Variants in STXBP4 observed in about 807,000 individuals in gnomAD.
STXBP4 encodes the protein syntaxin-binding protein 4.
In STXBP4, 55 loss-of-function variants were observed where a neutral mutation model predicts 76.1. That is an observed-to-expected ratio of 0.72 (90% confidence interval 0.58 to 0.91). The LOEUF (loss-of-function observed/expected upper bound fraction) is 0.91, where lower values mean the gene tolerates loss of function less well. STXBP4 is among the 40% of genes least tolerant of loss of function. The pLI, the probability that STXBP4 is intolerant of heterozygous loss-of-function variation, is 0.00. For missense variants in STXBP4, 618 were observed against 636.9 expected, an observed-to-expected ratio of 0.97 and a Z score of 0.32; for synonymous variants, 201 against 220.2, an observed-to-expected ratio of 0.91 and a Z score of 0.77.
chr17:55,191,565 G>A, the STXBP4 span, among the ~76,000 whole-genome samples: 1 of 152,100 alleles, frequency 6.6e-6, no homozygotes, highest in Non-Finnish European at 1.5e-5. Flanking sequence ...GACGTCTTCT[G>A]TTATAGTTCA....
At chr17:55,087,973 G>A (rs2079360516) in intron 16 of STXBP4, among the ~76,000 whole-genome samples, 1 of 152,076 alleles carries the variant, frequency 6.6e-6, no homozygotes, top group Non-Finnish European at 1.5e-5. Flanking sequence ...TCCTTATAGA[G>A]GTATTACCTC....
the STXBP4 span, among the ~76,000 whole-genome samples, chr17:55,185,790 C>T: frequency 1.3e-5 from 2 of 152,150 alleles, no homozygotes; most frequent in Admixed American, 6.5e-5. Context: ...TGGAGGCTTC[C>T]TCACAGAATT....
the STXBP4 span, among the ~76,000 whole-genome samples, chr17:55,199,052 A>G: frequency 6.6e-6 from 1 of 152,040 alleles, no homozygotes; most frequent in African/African-American, 2.4e-5. Context: ...TCTTTCAAGA[A>G]AAAAAAGACT....
At chr17:54,989,263 G>A (rs549131989) in intron 3 of STXBP4, among the ~76,000 whole-genome samples, 9 of 152,150 alleles carry the variant, frequency 5.9e-5, no homozygotes, top group East Asian at 3.9e-4. Context: ...GTCCACCACC[G>A]CGCCTGGCTA....
At chr17:55,207,812 A>G in the STXBP4 span, among the ~76,000 whole-genome samples, 1 of 152,202 alleles carries the variant, frequency 6.6e-6, no homozygotes, top group Non-Finnish European at 1.5e-5. Context: ...GTGTGCAAAC[A>G]CATGTAGTTT....
chr17:55,120,350 A>T (rs1256933789), intron 16 of STXBP4, among the ~76,000 whole-genome samples: 1 of 152,228 alleles, frequency 6.6e-6, no homozygotes, highest in Non-Finnish European at 1.5e-5. Flanking sequence ...CAAATGTTGG[A>T]TAACCAAATA....
chr17:55,191,584 T>C, the STXBP4 span, among the ~76,000 whole-genome samples: 129,066 of 152,104 alleles, frequency 0.85, 55,286 homozygotes, highest in African/African-American at 0.94. Context: ...CATCTGTCTC[T>C]GTTCTCATCC....
At chr17:55,177,601 G>A (rs1423218845), downstream of STXBP4, among the ~76,000 whole-genome samples, 1 of 152,232 alleles carries the variant, frequency 6.6e-6, no homozygotes, top group African/African-American at 2.4e-5. Flanking sequence ...TTGAAAGGAG[G>A]TTGTTCATTC....
Position 55,163,602 on chromosome 17 carries a change from A to G in STXBP4, c.*3691A>G, listed in dbSNP as rs142609914. The G allele has an allele frequency of 6.6e-6, 1 of 152,202 alleles. No individual in the cohort carries two copies. Among genetic ancestry groups the G allele is most frequent in the South Asian group, 2.1e-4 (1 of 4,820 alleles). 9.4% of individuals were successfully genotyped at this position (152,202 alleles called of 1,614,324 possible). On this transcript the variant is annotated 3_prime_UTR_variant, in exon 18 of 18. Coordinates refer to ENST00000376352, the MANE Select transcript of STXBP4 (RefSeq NM_178509.6). ...CAAACACTTCCTGAGCACCTGCTAC[A>G]TGCCAGGCAAAATGTGAAATTTGCA...
chr17:55,120,189 A>T lies in STXBP4; in HGVS notation c.1490-21121A>T, dbSNP rs554838177. ...AGAAAGAGTGATTTTTAATACTGCT[A>T]CCTTTTAAATGTCAGTCTTTATTGT... On this transcript the variant is annotated intron_variant, in intron 16 of 17. Transcript: ENST00000376352. 2.0e-5 allele frequency among the ~76,000 whole-genome samples: 3 copies of T among 152,282 alleles called. No homozygotes were observed. In the East Asian group the frequency reaches 5.8e-4, roughly 29 times the overall value.
chr17:55,119,746 T>G (rs1050095547), intron 16 of STXBP4, among the ~76,000 whole-genome samples: 1 of 151,368 alleles, frequency 6.6e-6, no homozygotes, highest in East Asian at 1.9e-4. Context: ...CAGATAAACT[T>G]TAACTCAGTT....
Position 54,999,376 on chromosome 17 carries a change from T to G in STXBP4, c.212T>G (p.Val71Gly). 6.2e-7 allele frequency: 1 copy of G among 1,612,536 alleles called. No individual in the cohort carries two copies. The highest frequency in any genetic ancestry group is 1.1e-5 in the South Asian group (1 of 90,608). ...CGTTTGAAGCCAGGAGATCAACTTGTCTCAGTCAACAAGGAATCTATGATT... is the reference window on the plus strand; with the variant it reads ...CGTTTGAAGCCAGGAGATCAACTTGGCTCAGTCAACAAGGAATCTATGATT... ...DGRLKPGDQL[V>G]SVNKESMIGV... Residue 71 changes from valine (V) to glycine (G), a missense_variant, in exon 5 of 18, where the codon GTC becomes GGC. By Grantham distance (109) the Val-to-Gly change is moderately radical (BLOSUM62 -3). Transcript: ENST00000376352.
At chr17:55,063,266 AT>A (rs1488483095) in intron 12 of STXBP4, among the ~76,000 whole-genome samples, 1 of 152,208 alleles carries the variant, frequency 6.6e-6, no homozygotes, top group Non-Finnish European at 1.5e-5. Context: ...TGTCTTTTTA[AT>A]TGTAGAAAAG....
intron 2 of STXBP4, 44 bp from the exon 3 acceptor site, chr17:54,986,098 A>G (rs773962523): frequency 2.4e-4 from 190 of 800,414 alleles, no homozygotes; most frequent in Non-Finnish European, 3.7e-4. Flanking sequence ...CAAATTTGAC[A>G]GTTCTAAGAC....
intron 16 of STXBP4, among the ~76,000 whole-genome samples, chr17:55,086,166 A>C (rs1393542268): frequency 3.9e-5 from 6 of 152,220 alleles, no homozygotes; most frequent in African/African-American, 1.4e-4. Context: ...AAAAAATTTC[A>C]TCAGCACTTT....
intron 8 of STXBP4, among the ~76,000 whole-genome samples, chr17:55,016,593 A>G (rs1485321916): frequency 6.6e-6 from 1 of 152,194 alleles, no homozygotes; most frequent in African/African-American, 2.4e-5. Flanking sequence ...CTCTGCTTCC[A>G]CAAGATCCTC....
chr17:55,203,190 C>T, the STXBP4 span, among the ~76,000 whole-genome samples: 2 of 152,134 alleles, frequency 1.3e-5, no homozygotes, highest in African/African-American at 4.8e-5. Context: ...ATAGCTAACT[C>T]CTAATCCTAT....
the STXBP4 span, among the ~76,000 whole-genome samples, chr17:55,187,930 G>A: frequency 1.3e-5 from 2 of 152,326 alleles, no homozygotes; most frequent in South Asian, 4.1e-4. Context: ...TTGGTAATAA[G>A]TGTACCAGAT....
At chr17:55,199,420 A>G in the STXBP4 span, among the ~76,000 whole-genome samples, 1 of 152,236 alleles carries the variant, frequency 6.6e-6, no homozygotes, top group East Asian at 1.9e-4. Flanking sequence ...ATTTTGGTTC[A>G]TTATATGCAT....
Sources: allele counts gnomAD v4.1 joint callset (sites outside exome capture counted in the v4.1 genomes callset), GRCh38; gene constraint gnomAD v4.1.1; transcripts MANE v1.5; gene names NCBI Gene and HGNC (gene_info 2026-07-23, HGNC 2026-07-21).